RNF128: variants seen among roughly 807,000 people sequenced by gnomAD.
RNF128 encodes the protein ring finger protein 128.
RNF128 carries 13 observed loss-of-function variants against 26.2 expected under a neutral mutation model. That is an observed-to-expected ratio of 0.50 (90% CI 0.32 to 0.79). RNF128 has a LOEUF of 0.79. RNF128 is among the 30% of genes least tolerant of loss of function. The probability of loss-of-function intolerance (pLI) is 0.03; values close to 1 mark genes in which losing one functional copy is unlikely to be tolerated. For missense variants in RNF128, 315 were observed against 349.7 expected, an observed-to-expected ratio of 0.90 and a Z score of 0.79; for synonymous variants, 149 against 142.5, an observed-to-expected ratio of 1.05 and a Z score of -0.32.
intron 1 of RNF128, among the ~76,000 whole-genome samples, chrX:106,710,822 A>G (rs766186431): frequency 9.2e-6 from 1 of 108,148 alleles, no homozygotes; most frequent in Non-Finnish European, 1.9e-5. Context: ...AGCCAACTAT[A>G]TTCTGGCCAA....
chrX:106,770,680 C>A (rs1326119474), intron 1 of RNF128, among the ~76,000 whole-genome samples: 1 of 111,437 alleles, frequency 9.0e-6, no homozygotes, highest in Non-Finnish European at 1.9e-5. Flanking sequence ...TACTTCTTTG[C>A]GATGGGTTCG....
Position 106,795,834 on chromosome X carries a change from T to A in RNF128, c.*121T>A, listed in dbSNP as rs2147706841. 1 of 546,066 alleles carries A rather than the reference T, an allele frequency of 1.8e-6. No individual in the cohort carries two copies. Among genetic ancestry groups the A allele is most frequent in the South Asian group, 5.8e-5 (1 of 17,304 alleles). 45.0% of individuals were successfully genotyped at this position (546,066 alleles called of 1,213,427 possible). A position where few individuals can be genotyped will look rare whatever the true frequency, so the allele number is the denominator to read the frequency against. On this transcript the variant is annotated 3_prime_UTR_variant, in exon 7 of 7. Transcript: ENST00000255499. ...AAGAGTGATACTGAAAGTGCTCAGA[T>A]GACTAATATTATGCTATAGTTAAAT...
intron 1 of RNF128, among the ~76,000 whole-genome samples, chrX:106,730,835 C>T (rs1425543871): frequency 9.0e-6 from 1 of 110,929 alleles, no homozygotes; most frequent in Non-Finnish European, 1.9e-5. Context: ...GTGAATGAAC[C>T]AAGCAGTTTA....
chrX:106,694,430 AAG>A (rs1412066004), intron 1 of RNF128: 2 of 1,128,386 alleles, frequency 1.8e-6, no homozygotes, highest in South Asian at 4.2e-5. Flanking sequence ...TTGATTCACA[AAG>A]AGAGTTAATG....
At chrX:106,733,093 A>C (rs925845272) in intron 1 of RNF128, among the ~76,000 whole-genome samples, 4 of 111,262 alleles carry the variant, frequency 3.6e-5, no homozygotes, top group African/African-American at 1.3e-4. Context: ...AACTATTTAC[A>C]TAGCATTTAC....
intron 1 of RNF128, among the ~76,000 whole-genome samples, chrX:106,765,472 T>C (rs955992371): frequency 1.8e-5 from 2 of 111,414 alleles, no homozygotes; most frequent in Admixed American, 1.9e-4. Context: ...AAATGGCTTT[T>C]AGAGAAAAGA....
intron 1 of RNF128, among the ~76,000 whole-genome samples, chrX:106,755,995 A>G (rs1012526371): frequency 9.0e-6 from 1 of 110,611 alleles, no homozygotes; most frequent in Non-Finnish European, 1.9e-5. Flanking sequence ...AATTGCTTCA[A>G]AGAGAATAAA....
intron 1 of RNF128, among the ~76,000 whole-genome samples, chrX:106,707,247 T>C (rs1929057748): frequency 8.9e-6 from 1 of 111,989 alleles, no homozygotes; most frequent in African/African-American, 3.2e-5. Context: ...ACTTGAGCAC[T>C]GTCAGGGACA....
At position 106,795,830 on chromosome X, in the gene RNF128, C is replaced by G; in HGVS notation, c.*117C>G. 1 of 572,062 alleles carries G rather than the reference C, an allele frequency of 1.7e-6. No individual in the cohort carries two copies. The allele number at this position is 572,062 out of a possible 1,213,427, so 47.1% of individuals were successfully genotyped here. A position where few individuals can be genotyped will look rare whatever the true frequency, so the allele number is the denominator to read the frequency against. On this transcript the variant is annotated 3_prime_UTR_variant, in exon 7 of 7. Transcript: ENST00000255499. ...AAATAAGAGTGATACTGAAAGTGCTCAGATGACTAATATTATGCTATAGTT... is the reference window on the plus strand; with the variant it reads ...AAATAAGAGTGATACTGAAAGTGCTGAGATGACTAATATTATGCTATAGTT...
At chrX:106,780,787 C>CAGAT (rs1280708083) in intron 2 of RNF128, among the ~76,000 whole-genome samples, 4 of 112,132 alleles carry the variant, frequency 3.6e-5, no homozygotes, top group Non-Finnish European at 7.5e-5. Flanking sequence ...GCTTTAAAGC[C>CAGAT]AGATAGAACC....
At chrX:106,697,251 A>G (rs938276921) in intron 1 of RNF128, among the ~76,000 whole-genome samples, 2 of 112,089 alleles carry the variant, frequency 1.8e-5, no homozygotes, top group Non-Finnish European at 3.8e-5. Flanking sequence ...AGTTACCCTT[A>G]TTAGCCAGAA....
chrX:106,740,192 G>A (rs929258085), intron 1 of RNF128, among the ~76,000 whole-genome samples: 1 of 111,202 alleles, frequency 9.0e-6, no homozygotes, highest in East Asian at 2.8e-4. Flanking sequence ...TTCCTTCCAG[G>A]GACCTCACAT....
chrX:106,723,364 C>T (rs374353627), upstream of RNF128, among the ~76,000 whole-genome samples: 3 of 110,745 alleles, frequency 2.7e-5, no homozygotes, highest in African/African-American at 9.9e-5. Context: ...GTCAGGAGTT[C>T]GAGACCAGCC....
intron 1 of RNF128, among the ~76,000 whole-genome samples, chrX:106,761,623 G>C (rs1930122081): frequency 9.0e-6 from 1 of 110,897 alleles, no homozygotes; most frequent in South Asian, 3.9e-4. Flanking sequence ...GATCATGTAT[G>C]ATCTCATGAG....
At chrX:106,783,770 G>A (rs910979993) in intron 2 of RNF128, among the ~76,000 whole-genome samples, 1 of 111,211 alleles carries the variant, frequency 9.0e-6, no homozygotes, top group Non-Finnish European at 1.9e-5. Context: ...GCCAACCTCC[G>A]CTTCTGGTGA....
chrX:106,716,119 T>C (rs1042216869), intron 1 of RNF128, among the ~76,000 whole-genome samples: 3 of 111,625 alleles, frequency 2.7e-5, no homozygotes, highest in Non-Finnish European at 5.6e-5. Flanking sequence ...TCCCTCACCA[T>C]TTGTGTCCAT....
intron 1 of RNF128, among the ~76,000 whole-genome samples, chrX:106,719,965 C>T (rs1929282060): frequency 9.1e-6 from 1 of 110,301 alleles, no homozygotes; most frequent in Non-Finnish European, 1.9e-5. Context: ...TCCCACTTTC[C>T]CCAAATAGTT....
upstream of RNF128, among the ~76,000 whole-genome samples, chrX:106,722,456 G>A (rs891833341): frequency 1.8e-5 from 2 of 111,752 alleles, no homozygotes; most frequent in African/African-American, 6.5e-5. Context: ...TGATGCTCCT[G>A]ATCAACAGAC....
chrX:106,709,686 A>G (rs1929094359), intron 1 of RNF128, among the ~76,000 whole-genome samples: 1 of 110,824 alleles, frequency 9.0e-6, no homozygotes, highest in Non-Finnish European at 1.9e-5. Flanking sequence ...AGCTGGGATT[A>G]CAGGCAGATG....
Sources: allele counts gnomAD v4.1 joint callset (sites outside exome capture counted in the v4.1 genomes callset), GRCh38; gene constraint gnomAD v4.1.1; transcripts MANE v1.5; gene names NCBI Gene and HGNC (gene_info 2026-07-23, HGNC 2026-07-21).